Variants in PCDHA1 observed in about 807,000 individuals in gnomAD.
PCDHA1 encodes protocadherin alpha-1.
A neutral mutation model predicts 61.3 loss-of-function variants in PCDHA1; 42 were observed. The ratio of observed to expected loss-of-function variants is 0.69; its 90% CI spans 0.54 to 0.89. The LOEUF (loss-of-function observed/expected upper bound fraction) is 0.89, where lower values mean the gene tolerates loss of function less well. Among genes scored for constraint, PCDHA1 ranks in the 40% least tolerant of loss-of-function variants. The pLI, the probability that PCDHA1 is intolerant of heterozygous loss-of-function variation, is 0.00. For synonymous variants in PCDHA1, 610 were observed against 553.8 expected (o/e 1.10, Z -1.43); for missense variants, 1,256 against 1,235.3 (o/e 1.02, Z -0.25).
intron 1 of PCDHA1, chr5:140,927,902 C>T (rs782319959): frequency 1.5e-5 from 25 of 1,614,182 alleles, no homozygotes; most frequent in Non-Finnish European, 2.1e-5. Flanking sequence ...AACGATCATG[C>T]CCCCGAACTG....
rs1174845394 is a variant in PCDHA1, at chr5:140,833,140, TGAAGCAATAC to T, written c.2394+44460_2394+44469del. On this transcript the variant is annotated intron_variant, in intron 1 of 3. Coordinates refer to ENST00000504120, the MANE Select transcript of PCDHA1 (RefSeq NM_018900.4). ...GTCATTTGAAAGCTGTCAAAAAGTG[TGAAGCAATAC>T]GAATAAAAAGTATTAACGGAAGATG... Among the ~76,000 whole-genome samples, 7 of 152,296 alleles carry T rather than the reference TGAAGCAATAC, an allele frequency of 4.6e-5. No individual in the cohort carries two copies. In the East Asian group the frequency reaches 1.3e-3, roughly 29 times the overall value.
In PCDHA1 at chr5:140,877,360, G is replaced by A. The variant is rs199937567; in HGVS notation, c.2394+88676G>A. Reference sequence around the variant, plus strand: ...GTTCCACGTGGGGCTGTACACTGGCGAGATCAGCACGACACGCATCCTGGA... The same window carrying A: ...GTTCCACGTGGGGCTGTACACTGGCAAGATCAGCACGACACGCATCCTGGA... On this transcript the variant is annotated intron_variant, in intron 1 of 3. Coordinates refer to ENST00000504120, the MANE Select transcript of PCDHA1 (RefSeq NM_018900.4). 63 of 1,614,022 alleles carry A rather than the reference G, an allele frequency of 3.9e-5. No individual in the cohort carries two copies. The highest frequency in any genetic ancestry group is 6.7e-5 in the Admixed American group (4 of 60,028).
chr5:140,992,823 T>A (rs1261484178), intron 3 of PCDHA1, among the ~76,000 whole-genome samples: 1 of 152,140 alleles, frequency 6.6e-6, no homozygotes, highest in Non-Finnish European at 1.5e-5. Flanking sequence ...ATGTGTTTGT[T>A]TTTTGGGAAC....
intron 1 of PCDHA1, among the ~76,000 whole-genome samples, chr5:140,963,199 A>G (rs955651383): frequency 6.6e-6 from 1 of 152,092 alleles, no homozygotes; most frequent in Non-Finnish European, 1.5e-5. Flanking sequence ...TGAAAATGAA[A>G]AAAAAAACCT....
At chr5:140,905,202 T>C (rs1554191944) in intron 1 of PCDHA1, among the ~76,000 whole-genome samples, 1 of 152,196 alleles carries the variant, frequency 6.6e-6, no homozygotes, top group Non-Finnish European at 1.5e-5. Flanking sequence ...CCATCTTGAG[T>C]TGATTTTTGT....
At chr5:140,827,898 G>T in intron 1 of PCDHA1, 1 of 748,536 alleles carries the variant, frequency 1.3e-6, no homozygotes, top group Non-Finnish European at 2.2e-6. Context: ...CTTACCTTTT[G>T]GAGCCGCATG....
Position 140,807,113 on chromosome 5 carries a change from T to C in PCDHA1, c.2394+18429T>C, listed in dbSNP as rs902550795. On this transcript the variant is annotated intron_variant, in intron 1 of 3. Coordinates refer to ENST00000504120, the MANE Select transcript of PCDHA1 (RefSeq NM_018900.4). ...GAAATATGGAGGATGCAGCTGCACT[T>C]GACTGACCGATTAAAAGATTTCCCT... The C allele has an allele frequency of 2.6e-5, 40 of 1,517,878 alleles. No individual in the cohort carries two copies. In the Admixed American group the frequency reaches 7.4e-4, roughly 28 times the overall value. The allele number at this position is 1,517,878 out of a possible 1,614,324, so 94.0% of individuals were successfully genotyped here.
intron 1 of PCDHA1, among the ~76,000 whole-genome samples, chr5:140,832,286 G>A (rs1312628580): frequency 6.6e-6 from 1 of 152,184 alleles, no homozygotes; most frequent in Non-Finnish European, 1.5e-5. Flanking sequence ...AGCATGAATG[G>A]TGTATTTGCC....
intron 1 of PCDHA1, chr5:140,835,816 C>G (rs1554135300): frequency 6.2e-7 from 1 of 1,612,730 alleles, no homozygotes; most frequent in Non-Finnish European, 8.5e-7. Flanking sequence ...TTCACTGTGT[C>G]GGCGGGGGAC....
intron 1 of PCDHA1, among the ~76,000 whole-genome samples, chr5:140,950,272 CT>C (rs373882606): frequency 7.9e-5 from 12 of 151,950 alleles, no homozygotes; most frequent in African/African-American, 2.9e-4. Flanking sequence ...TCCATAATGT[CT>C]TTTTGCTTCA....
At chr5:140,988,026 T>A (rs1405610277) in intron 3 of PCDHA1, among the ~76,000 whole-genome samples, 1 of 152,152 alleles carries the variant, frequency 6.6e-6, no homozygotes, top group Non-Finnish European at 1.5e-5. Context: ...GATTCTTAAG[T>A]TTTTTAGAAT....
At chr5:140,850,446 G>C in intron 1 of PCDHA1, 1 of 1,598,030 alleles carries the variant, frequency 6.3e-7, no homozygotes, top group South Asian at 1.1e-5. Context: ...ACTGGTGCTG[G>C]TGAAAGACCA....
intron 1 of PCDHA1, chr5:140,967,079 A>T: frequency 1.2e-6 from 2 of 1,613,252 alleles, no homozygotes; most frequent in South Asian, 2.2e-5. Flanking sequence ...CAACGAGCGC[A>T]TTGATCGGGA....
intron 1 of PCDHA1, among the ~76,000 whole-genome samples, chr5:140,954,496 T>G (rs571286912): frequency 2.3e-4 from 35 of 152,256 alleles, no homozygotes; most frequent in Non-Finnish European, 2.8e-4. Context: ...CATTGTGGTT[T>G]TGATTTGCAT....
chr5:140,825,571 T>C (rs1196041650), intron 1 of PCDHA1: 1 of 151,826 alleles, frequency 6.6e-6, no homozygotes, highest in African/African-American at 2.4e-5. Flanking sequence ...ATTACAGGCA[T>C]GTGCCCACAC....
intron 1 of PCDHA1, among the ~76,000 whole-genome samples, chr5:140,947,554 G>T (rs977454594): frequency 1.3e-5 from 2 of 151,358 alleles, no homozygotes; most frequent in Non-Finnish European, 3.0e-5. Flanking sequence ...AATTCCGCTG[G>T]GATTTATATT....
intron 1 of PCDHA1, among the ~76,000 whole-genome samples, chr5:140,789,515 G>T (rs1342363528): frequency 6.6e-6 from 1 of 151,902 alleles, no homozygotes; most frequent in Non-Finnish European, 1.5e-5. Context: ...TTTATTGGGC[G>T]ATTTGTTTAA....
At chr5:140,812,648 C>G (rs1014643443) in intron 1 of PCDHA1, 2 of 152,056 alleles carry the variant, frequency 1.3e-5, no homozygotes, top group Non-Finnish European at 1.5e-5. Flanking sequence ...GTTTAAGAGA[C>G]AAGATCTCAC....
intron 1 of PCDHA1, among the ~76,000 whole-genome samples, chr5:140,937,181 G>A (rs573153234): frequency 5.3e-5 from 8 of 151,984 alleles, no homozygotes; most frequent in African/African-American, 1.9e-4. Context: ...GGGACTACAG[G>A]CGCCCGCCAC....
Sources: allele counts gnomAD v4.1 joint callset (sites outside exome capture counted in the v4.1 genomes callset), GRCh38; gene constraint gnomAD v4.1.1; transcripts MANE v1.5; gene names NCBI Gene and HGNC (gene_info 2026-07-23, HGNC 2026-07-21).